The following CLSPN variants were observed in gnomAD, a reference collection of about 807,000 sequenced individuals.
CLSPN encodes claspin homolog.
A neutral mutation model predicts 156.3 loss-of-function variants in CLSPN; 85 were observed. The observed-to-expected ratio is 0.54, with a 90% CI of 0.46 to 0.65. The LOEUF (loss-of-function observed/expected upper bound fraction) is 0.65, where lower values mean the gene tolerates loss of function less well. CLSPN is among the 30% of genes least tolerant of loss of function. The probability of loss-of-function intolerance (pLI) is 0.00; values close to 1 mark genes in which losing one functional copy is unlikely to be tolerated. For synonymous variants in CLSPN, 534 were observed against 542.4 expected (o/e 0.98, Z 0.22); for missense variants, 1,407 against 1,554.9 (o/e 0.90, Z 1.60).
At chr1:35,764,865 A>G in intron 2 of CLSPN, 151 bp from the exon 3 acceptor site, 1 of 545,050 alleles carries the variant, frequency 1.8e-6, no homozygotes, top group Non-Finnish European at 3.1e-6. Flanking sequence ...AAGCAAATCT[A>G]AAAATACATT....
Position 35,769,847 on chromosome 1 carries a change from C to T in CLSPN, c.24G>A (p.Glu8=). The part of the protein sequence containing the change: MTGEVGS[E]VHLEINDPNV... Reference sequence around the variant, plus strand: ...GTGGGGGGCGTGTGCATAAACTCACCTCAGAACCCACCTCGCCTGTCATGA... The same window carrying T: ...GTGGGGGGCGTGTGCATAAACTCACTTCAGAACCCACCTCGCCTGTCATGA... The change falls in exon 1 of 25, where the codon GAG becomes GAA. Residue 8 remains glutamate (E), a splice_region_variant and synonymous_variant. Coordinates refer to ENST00000318121, the MANE Select transcript of CLSPN (RefSeq NM_022111.4). 6.2e-7 allele frequency: 1 copy of T among 1,607,320 alleles called. No individual in the cohort carries two copies. Among genetic ancestry groups the T allele is most frequent in the East Asian group, 2.3e-5 (1 of 44,384 alleles).
intron 4 of CLSPN, 63 bp downstream of exon 4, chr1:35,763,097 T>C (rs1311714625): frequency 2.3e-6 from 3 of 1,314,526 alleles, no homozygotes; most frequent in Non-Finnish European, 3.0e-6. Flanking sequence ...CAACAGTAAA[T>C]TAAAAATATA....
chr1:35,743,623 G>T, intron 16 of CLSPN, 93 bp from the exon 17 acceptor site: 2 of 995,350 alleles, frequency 2.0e-6, no homozygotes, highest in Non-Finnish European at 3.1e-6. Context: ...TTTTGTGTGT[G>T]TTAATTTTTT....
intron 24 of CLSPN, 97 bp downstream of exon 24, chr1:35,736,817 C>T: frequency 7.1e-7 from 1 of 1,405,830 alleles, no homozygotes; most frequent in South Asian, 1.4e-5. Flanking sequence ...TTCAACATTG[C>T]AGCATAGAGG....
chr1:35,749,114 T>G (rs1053400372), intron 12 of CLSPN, among the ~76,000 whole-genome samples: 2 of 152,142 alleles, frequency 1.3e-5, no homozygotes, highest in African/African-American at 4.8e-5. Context: ...CGTGAGTCAC[T>G]GCGCCTGGCC....
Position 35,746,891 on chromosome 1 carries a change from TCATCCATGTTGG to T in CLSPN, c.2717_2728del (p.Ala906_Asp909del). 4 of 1,613,612 alleles carry T rather than the reference TCATCCATGTTGG, an allele frequency of 2.5e-6. No homozygotes were observed. The highest frequency in any genetic ancestry group is 2.7e-5 in the African/African-American group (2 of 75,034). On this transcript the variant is annotated inframe_deletion, in exon 15 of 25. Coordinates refer to ENST00000318121, the MANE Select transcript of CLSPN (RefSeq NM_022111.4). The surrounding 1 kb of genome is among the most constrained non-coding windows in gnomAD (Gnocchi z 4.2). The stretch of plus-strand genomic sequence containing the variant: ...CTTTCCAGTACACAAATCCAACAGC[TCATCCATGTTGG>T]CATCCATGGCATTCTCATCCATACT...
chr1:35,743,094 CA>C, intron 18 of CLSPN, 46 bp downstream of exon 18: 1 of 1,520,642 alleles, frequency 6.6e-7, no homozygotes, highest in African/African-American at 1.4e-5. Flanking sequence ...GCCTAGTGAC[CA>C]AATTTTAAAT....
rs565369797 is a variant in CLSPN, at chr1:35,737,169, T to C, written c.3748-94A>G. On this transcript the variant is annotated intron_variant, in intron 23 of 24. Coordinates refer to ENST00000318121, the MANE Select transcript of CLSPN (RefSeq NM_022111.4). ...CCTGCTTCCCCCTAGATATTGAGGG[T>C]ACATATGCCTACCCTATTCAAATAG... 14 of 1,309,342 alleles carry C rather than the reference T, an allele frequency of 1.1e-5. No homozygotes were observed. In the African/African-American group the frequency reaches 1.3e-4, roughly 12 times the overall value. 81.1% of individuals were successfully genotyped at this position (1,309,342 alleles called of 1,614,324 possible). A position where few individuals can be genotyped will look rare whatever the true frequency, so the allele number is the denominator to read the frequency against.
In CLSPN at chr1:35,736,326, A is replaced by G. The variant is rs532732031; in HGVS notation, c.*170T>C. 2 of 1,249,054 alleles carry G rather than the reference A, an allele frequency of 1.6e-6. No homozygotes were observed. The highest frequency in any genetic ancestry group is 6.4e-5 in the East Asian group (2 of 31,446). The allele number at this position is 1,249,054 out of a possible 1,614,324, so 77.4% of individuals were successfully genotyped here. A position where few individuals can be genotyped will look rare whatever the true frequency, so the allele number is the denominator to read the frequency against. The stretch of plus-strand genomic sequence containing the variant: ...GCCAATTCAGGGAATAATACTAGGA[A>G]AAGAGATGTCCAGAGCTGTGCAGTA... On this transcript the variant is annotated 3_prime_UTR_variant, in exon 25 of 25. Coordinates refer to ENST00000318121, the MANE Select transcript of CLSPN (RefSeq NM_022111.4).
chr1:35,749,827 C>A lies in CLSPN; in HGVS notation c.2029-16G>T, dbSNP rs1358365189. On this transcript the variant is annotated splice_polypyrimidine_tract_variant and intron_variant, in intron 10 of 24. Transcript: ENST00000318121. ...ATTCTGCAGTCTTTACCAATCAGGC[C>A]ACCACAAAACAAAAAATACAAGTCA... is the stretch of plus-strand genomic sequence containing the variant. 1 of 1,603,072 alleles carries A rather than the reference C, an allele frequency of 6.2e-7. No individual in the cohort carries two copies. The highest frequency in any genetic ancestry group is 1.3e-5 in the African/African-American group (1 of 74,172).
chr1:35,726,578 C>T (rs1449917801), intron 24 of CLSPN, among the ~76,000 whole-genome samples: 1 of 152,218 alleles, frequency 6.6e-6, no homozygotes, highest in Non-Finnish European at 1.5e-5. Context: ...CCAGATCACA[C>T]ACACACATCA....
In CLSPN at chr1:35,769,907, C is replaced by A. The variant is rs1557529944; in HGVS notation, c.-37G>T. On this transcript the variant is annotated 5_prime_UTR_variant, in exon 1 of 25. Transcript: ENST00000318121. ...CCCCTGCGCTCCACTAGGGACGGAG[C>A]TGTCTCTGATTCCCTCAGCCGGAGA... The A allele has an allele frequency of 1.2e-6, 2 of 1,606,658 alleles. No homozygotes were observed. The highest frequency in any genetic ancestry group is 1.7e-6 in the Non-Finnish European group (2 of 1,176,464).
chr1:35,763,221 TC>T lies in CLSPN; in HGVS notation c.682del (p.Glu228LysfsTer6). 6.2e-7 allele frequency: 1 copy of T among 1,608,996 alleles called. No homozygotes were observed. Among genetic ancestry groups the T allele is most frequent in the South Asian group, 1.1e-5 (1 of 90,062 alleles). ...GLEDENNSPL[E>X]DEESLESIRA... The stretch of plus-strand genomic sequence containing the variant: ...TATTGATTCTAATGACTCTTCATCT[TC>T]CAATGGAGAGTTATTTTCATCCTCC... On this transcript the variant is annotated frameshift_variant, in exon 4 of 25. Coordinates refer to ENST00000318121, the MANE Select transcript of CLSPN (RefSeq NM_022111.4). LOFTEE classifies it high-confidence loss of function.
At chr1:35,731,541 G>C (rs947655485), downstream of CLSPN, among the ~76,000 whole-genome samples, 1 of 152,190 alleles carries the variant, frequency 6.6e-6, no homozygotes, top group African/African-American at 2.4e-5. Flanking sequence ...GGTCGCCTCT[G>C]GCTGCTGTGC....
Position 35,746,703 on chromosome 1 carries a change from A to G in CLSPN, c.2854+63T>C. 1 of 1,170,766 alleles carries G rather than the reference A, an allele frequency of 8.5e-7. No homozygotes were observed. Among genetic ancestry groups the G allele is most frequent in the South Asian group, 1.2e-5 (1 of 80,556 alleles). 72.5% of individuals were successfully genotyped at this position (1,170,766 alleles called of 1,614,324 possible). ...ATGAGCCACCCCACCCGCCCAGGGA[A>G]TTCTTTTCAAGGGCACTGATACTTG... On this transcript the variant is annotated intron_variant, in intron 15 of 24. Coordinates refer to ENST00000318121, the MANE Select transcript of CLSPN (RefSeq NM_022111.4). This position sits in a 1 kb window ranked among gnomAD's most constrained non-coding sequence, Gnocchi z 4.2.
At chr1:35,730,193 GA>G (rs991790338), downstream of CLSPN, among the ~76,000 whole-genome samples, 125 of 152,268 alleles carry the variant, frequency 8.2e-4, 1 homozygote, top group African/African-American at 3.0e-3. Flanking sequence ...GTCTAGTAGG[GA>G]AAGCAAGCCT....
At chr1:35,769,146 T>G (rs1057057153) in intron 1 of CLSPN, among the ~76,000 whole-genome samples, 2 of 152,220 alleles carry the variant, frequency 1.3e-5, no homozygotes, top group African/African-American at 4.8e-5. Context: ...TTTGGTTTTT[T>G]AAAAATATTG....
rs1190061838 is a variant in CLSPN at position 35,721,077 on chromosome 1, T to C, written c.3910-97A>G. The C allele has an allele frequency of 1.9e-5, 15 of 790,946 alleles. No homozygotes were observed. In the East Asian group the frequency reaches 2.8e-4, roughly 15 times the overall value. 49.0% of individuals were successfully genotyped at this position (790,946 alleles called of 1,614,324 possible). A position where few individuals can be genotyped will look rare whatever the true frequency, so the allele number is the denominator to read the frequency against. ...ACCCTGTTTCCTGCATCTAAACTTA[T>C]AGTTTTGTATGCCTTATTTTGCCAA... On this transcript the variant is annotated intron_variant, in intron 24 of 24. Coordinates refer to the CLSPN transcript ENST00000251195.
chr1:35,748,374 G>C (rs1641962957), intron 13 of CLSPN, 31 bp downstream of exon 13: 4 of 1,586,456 alleles, frequency 2.5e-6, no homozygotes, highest in Middle Eastern at 1.7e-4. Context: ...GCAAAGAGAG[G>C]AGGAGATTAG....
Sources: allele counts gnomAD v4.1 joint callset (sites outside exome capture counted in the v4.1 genomes callset), GRCh38; gene constraint gnomAD v4.1.1; non-coding constraint Gnocchi (gnomAD v3.1); transcripts MANE v1.5; gene names NCBI Gene and HGNC (gene_info 2026-07-23, HGNC 2026-07-21).